The following DSCAM variants were observed in gnomAD, a reference collection of about 807,000 sequenced individuals.
DSCAM encodes cell adhesion molecule DSCAM.
Under a neutral mutation model 217.7 loss-of-function variants are expected in DSCAM, and 47 were observed. That is an observed-to-expected ratio of 0.22 (90% CI 0.17 to 0.28). The LOEUF is 0.28. Ranked by LOEUF, DSCAM falls within the 10% of genes least tolerant of loss-of-function variation. The pLI is 1.00. For synonymous variants in DSCAM, 1,056 were observed against 1,015.3 expected (o/e 1.04, Z -0.76); for missense variants, 2,080 against 2,618.3 (o/e 0.79, Z 4.49).
At chr21:40,791,164 A>T (rs1291640056) in intron 1 of DSCAM, among the ~76,000 whole-genome samples, 2 of 151,906 alleles carry the variant, frequency 1.3e-5, no homozygotes, top group Non-Finnish European at 2.9e-5. Flanking sequence ...CTCAAAAAAA[A>T]AAAAAGAAAA....
rs117174201 is a variant in DSCAM, at chr21:40,575,954, C to T, written c.508+116856G>A. On this transcript the variant is annotated intron_variant, in intron 3 of 32. Transcript: ENST00000400454. ...ATAATACAATACCATCTCATACACA[C>T]TATATTGGTTAAAATTTAAAATACT... Among the ~76,000 whole-genome samples the T allele has an allele frequency of 8.2e-3, 1,255 of 152,250 alleles. 8 individuals are homozygous for T. Among genetic ancestry groups the T allele is most frequent in the Non-Finnish European group, 0.013 (877 of 68,028 alleles).
chr21:40,489,610 T>C (rs1209732824), intron 3 of DSCAM, among the ~76,000 whole-genome samples: 2 of 150,934 alleles, frequency 1.3e-5, no homozygotes, highest in Non-Finnish European at 3.0e-5. Flanking sequence ...CCGTCTCTAC[T>C]AAAAATACAA....
rs111866945 is a variant in DSCAM, at chr21:40,752,436, C to T, written c.44-43665G>A. ...ACGTTTAATGCTTTTCCTTGGGAAA[C>T]TGACCTGTGTCTCCACTAATATCTG... On this transcript the variant is annotated intron_variant, in intron 1 of 32. Coordinates refer to ENST00000400454, the MANE Select transcript of DSCAM (RefSeq NM_001389.5). Among the ~76,000 whole-genome samples, 594 of 152,346 alleles carry T rather than the reference C, an allele frequency of 3.9e-3. 6 individuals carry two copies. Among genetic ancestry groups the T allele is most frequent in the Non-Finnish European group, 3.7e-3 (255 of 68,042 alleles).
chr21:40,094,297 G>A (rs114211520), intron 20 of DSCAM, among the ~76,000 whole-genome samples: 2,314 of 152,220 alleles, frequency 0.015, 51 homozygotes, highest in African/African-American at 0.052. Context: ...CCCCACAATC[G>A]CAGAGATTTT....
intron 3 of DSCAM, among the ~76,000 whole-genome samples, chr21:40,533,545 T>TGTC (rs2076467478): frequency 1.5e-5 from 1 of 67,404 alleles, no homozygotes; most frequent in Admixed American, 1.3e-4. Flanking sequence ...ATCCATCCAT[T>TGTC]CATCCATCCA....
At chr21:40,740,419 C>A (rs1342119874) in intron 1 of DSCAM, among the ~76,000 whole-genome samples, 1 of 152,138 alleles carries the variant, frequency 6.6e-6, no homozygotes, top group African/African-American at 2.4e-5. Context: ...ATTTGCTGAC[C>A]CCATGTGCCT....
intron 1 of DSCAM, among the ~76,000 whole-genome samples, chr21:40,727,022 C>T (rs1383244852): frequency 6.6e-6 from 1 of 152,124 alleles, no homozygotes; most frequent in Non-Finnish European, 1.5e-5. Flanking sequence ...TCTTAGCCTC[C>T]ATAATTGGAG....
In DSCAM at chr21:40,373,894, A is replaced by G. The variant is rs149771738; in HGVS notation, c.509-4649T>C. Among the ~76,000 whole-genome samples, 138 of 152,352 alleles carry G rather than the reference A, an allele frequency of 9.1e-4. 1 individual carries two copies. Among genetic ancestry groups the G allele is most frequent in the East Asian group, 5.0e-3 (26 of 5,186 alleles). On this transcript the variant is annotated intron_variant, in intron 3 of 32. Coordinates refer to ENST00000400454, the MANE Select transcript of DSCAM (RefSeq NM_001389.5). ...TAAACTTTGCTTTCTTCATCTAGAA[A>G]AAAGAGAGATGATGAGTAATCTCTT...
chr21:40,332,859 A>G (rs1470515582), intron 8 of DSCAM, among the ~76,000 whole-genome samples: 2 of 152,224 alleles, frequency 1.3e-5, no homozygotes, highest in Admixed American at 6.5e-5. Context: ...GGTTATGACT[A>G]TTGCCAGGAA....
In DSCAM at chr21:40,085,724, C is replaced by G. The variant is rs1349052713; in HGVS notation, c.4010G>C (p.Ser1337Thr). The change falls in exon 23 of 33, where the codon AGC becomes ACC. Residue 1337 changes from serine (S) to threonine (T), a missense_variant. Transcript: ENST00000400454. ...PSLVTIDGRR[S>T]IFSNGSFIIR... ...AATGAAGCTTCCGTTGCTAAAGATGCTCCTCCGCCCATCAATCGTTACTAG... is the reference window on the plus strand; with the variant it reads ...AATGAAGCTTCCGTTGCTAAAGATGGTCCTCCGCCCATCAATCGTTACTAG... 1 of 1,581,432 alleles carries G rather than the reference C, an allele frequency of 6.3e-7. No individual in the cohort carries two copies. Among genetic ancestry groups the G allele is most frequent in the Non-Finnish European group, 8.7e-7 (1 of 1,155,278 alleles).
chr21:40,827,388 G>A (rs866320336), intron 1 of DSCAM, among the ~76,000 whole-genome samples: 3 of 149,352 alleles, frequency 2.0e-5, no homozygotes, highest in Non-Finnish European at 4.4e-5. Context: ...AGGATCACTC[G>A]AGCCCAGGAG....
At chr21:40,064,157 G>GTA (rs535599025) in intron 27 of DSCAM, among the ~76,000 whole-genome samples, 112 of 142,856 alleles carry the variant, frequency 7.8e-4, no homozygotes, top group African/African-American at 2.0e-3. Context: ...CTTCATGTAT[G>GTA]TATATATATA....
chr21:40,259,189 G>A (rs2073413677), intron 11 of DSCAM, among the ~76,000 whole-genome samples: 1 of 151,826 alleles, frequency 6.6e-6, no homozygotes, highest in Admixed American at 6.6e-5. Flanking sequence ...TAGGAAAAAG[G>A]AAAAATGAAG....
At chr21:40,402,539 G>A (rs554982932) in intron 3 of DSCAM, among the ~76,000 whole-genome samples, 8 of 151,720 alleles carry the variant, frequency 5.3e-5, no homozygotes, top group Non-Finnish European at 1.0e-4. Context: ...TTTTTTCCAC[G>A]GGGAGTAAAC....
chr21:40,477,689 G>C (rs2145980398), intron 3 of DSCAM, among the ~76,000 whole-genome samples: 1 of 152,150 alleles, frequency 6.6e-6, no homozygotes, highest in Non-Finnish European at 1.5e-5. Flanking sequence ...CTTTTCATTT[G>C]AGCACAAATT....
chr21:40,481,925 G>A (rs549380170), intron 3 of DSCAM, among the ~76,000 whole-genome samples: 4 of 152,298 alleles, frequency 2.6e-5, no homozygotes, highest in South Asian at 4.1e-4. Context: ...CGGAACACAC[G>A]TGCACTGCTT....
chr21:40,687,392 G>A (rs2146439447), intron 3 of DSCAM, among the ~76,000 whole-genome samples: 1 of 152,252 alleles, frequency 6.6e-6, no homozygotes, highest in East Asian at 1.9e-4. Context: ...CAAGATAGCA[G>A]CCACAGCATA....
intron 2 of DSCAM, among the ~76,000 whole-genome samples, chr21:40,703,905 A>G (rs556447874): frequency 3.5e-4 from 53 of 151,918 alleles, no homozygotes; most frequent in Non-Finnish European, 6.5e-4. Flanking sequence ...TTTTTTTTAG[A>G]GCAGTTGTAG....
At chr21:40,030,590 G>A (rs769733327) in intron 32 of DSCAM, among the ~76,000 whole-genome samples, 2 of 152,184 alleles carry the variant, frequency 1.3e-5, no homozygotes, top group South Asian at 2.1e-4. Flanking sequence ...TCTGAACTAC[G>A]ACCCTTCAAA....
Sources: gnomAD v4.1 joint callset for allele counts (sites outside exome capture counted in the v4.1 genomes callset) on GRCh38, gnomAD v4.1.1 for gene constraint, MANE v1.5 for transcripts, NCBI Gene and HGNC (gene_info 2026-07-23, HGNC 2026-07-21) for gene names.